Variants in CAMK2G observed in about 807,000 individuals in gnomAD.
The protein encoded by CAMK2G is calcium/calmodulin-dependent protein kinase type II subunit gamma.
A neutral mutation model predicts 88.7 loss-of-function variants in CAMK2G; 23 were observed. The ratio of observed to expected loss-of-function variants is 0.26; its 90% CI spans 0.19 to 0.37. The LOEUF is 0.37. Among genes scored for constraint, CAMK2G ranks in the 10% least tolerant of loss-of-function variants. CAMK2G has a pLI of 1.00. For missense variants in CAMK2G, 476 were observed against 780.8 expected (o/e 0.61, Z 4.65); for synonymous variants, 263 against 294.8 (o/e 0.89, Z 1.11).
intron 3 of CAMK2G, among the ~76,000 whole-genome samples, chr10:73,858,450 G>C (rs1039086789): frequency 6.6e-6 from 1 of 152,172 alleles, no homozygotes. Flanking sequence ...AACCACAGCC[G>C]CCTGGACCTG....
In CAMK2G at chr10:73,828,531, C is replaced by A. The variant is rs2091710739; in HGVS notation, c.1054-410G>T. On this transcript the variant is annotated intron_variant, in intron 14 of 22. Transcript: ENST00000423381. ...CTCATTACTAGAACTGTCTGAAATT[C>A]AAGTGAGCAGCCACCAGGGAAAAAG... 2.6e-5 allele frequency among the ~76,000 whole-genome samples: 4 copies of A among 152,184 alleles called. No individual in the cohort carries two copies. In the South Asian group the frequency reaches 8.3e-4, roughly 32 times the overall value.
At chr10:73,822,900 C>A (rs766600247) in intron 17 of CAMK2G, among the ~76,000 whole-genome samples, 2 of 152,144 alleles carry the variant, frequency 1.3e-5, no homozygotes, top group African/African-American at 4.8e-5. Flanking sequence ...CTTGCTCTGT[C>A]GCCCAGGCTG....
chr10:73,864,939 C>T (rs765759552), intron 2 of CAMK2G, among the ~76,000 whole-genome samples: 4 of 152,058 alleles, frequency 2.6e-5, no homozygotes, highest in Non-Finnish European at 5.9e-5. Flanking sequence ...CCACGGCACC[C>T]GGCCAAGAGG....
rs76908592 is a variant in CAMK2G, at chr10:73,860,287, T to G, written c.220+543A>C. On this transcript the variant is annotated intron_variant, in intron 3 of 22. Transcript: ENST00000423381. ...GGGAGCAGGGAGAAATCCTCTTTTT[T>G]CTCCTTCCCCATCTGAGTGGTTCCT... is the stretch of plus-strand genomic sequence containing the variant. Among the ~76,000 whole-genome samples the G allele has an allele frequency of 4.6e-4, 70 of 152,214 alleles. 2 individuals are homozygous for G. The highest frequency in any genetic ancestry group is 1.3e-3 in the Admixed American group (20 of 15,292).
chr10:73,867,897 T>C (rs1405168588), intron 2 of CAMK2G, among the ~76,000 whole-genome samples: 1 of 152,134 alleles, frequency 6.6e-6, no homozygotes, highest in Non-Finnish European at 1.5e-5. Context: ...CATGGGCACC[T>C]GCAGCACAAA....
At chr10:73,865,859 C>T (rs1286596459) in intron 2 of CAMK2G, among the ~76,000 whole-genome samples, 1 of 151,932 alleles carries the variant, frequency 6.6e-6, no homozygotes, top group Non-Finnish European at 1.5e-5. Flanking sequence ...GGCTCATCCC[C>T]GCCCCTCCCA....
intron 14 of CAMK2G, 140 bp from the exon 15 acceptor site, chr10:73,828,261 C>A: frequency 1.4e-6 from 1 of 712,136 alleles, no homozygotes; most frequent in South Asian, 1.6e-5. Context: ...AGTCCAGCAC[C>A]AGAGGGTTAA....
chr10:73,816,223 CA>C, intron 21 of CAMK2G: 1 of 986,798 alleles, frequency 1.0e-6, no homozygotes, highest in Non-Finnish European at 1.2e-6. Flanking sequence ...CCAGAATGTA[CA>C]CCCCACCCCC....
intron 14 of CAMK2G, among the ~76,000 whole-genome samples, chr10:73,831,973 C>A (rs1206988228): frequency 2.0e-5 from 3 of 151,320 alleles, no homozygotes; most frequent in African/African-American, 4.9e-5. Flanking sequence ...CCAGGCTGAA[C>A]CTCCTGGGCT....
In CAMK2G at chr10:73,848,563, T is replaced by C. The variant is rs1337065682; in HGVS notation, c.564A>G (p.Lys188=). The part of the protein sequence containing the change: ...PGYLSPEVLR[K]DPYGKPVDIW... The stretch of plus-strand genomic sequence containing the variant: ...TATCCACAGGTTTTCCATAGGGATC[T>C]TTCCTCAAGACCTCAGGGGACAAGT... Residue 188 remains lysine (K), a synonymous_variant, in exon 8 of 23, where the codon AAA becomes AAG. Coordinates refer to ENST00000423381, the MANE Select transcript of CAMK2G (RefSeq NM_001367534.1). This position sits in a 1 kb window ranked among gnomAD's most constrained non-coding sequence, Gnocchi z 4.5. 5 of 1,612,938 alleles carry C rather than the reference T, an allele frequency of 3.1e-6. No individual in the cohort carries two copies. Among genetic ancestry groups the C allele is most frequent in the Non-Finnish European group, 3.4e-6 (4 of 1,179,504 alleles).
intron 14 of CAMK2G, among the ~76,000 whole-genome samples, chr10:73,832,440 G>C (rs534482194): frequency 7.2e-5 from 11 of 152,194 alleles, no homozygotes; most frequent in African/African-American, 2.6e-4. Context: ...CCAAGTGGCT[G>C]GGATTACAGG....
chr10:73,870,950 C>T (rs531257953), intron 2 of CAMK2G, among the ~76,000 whole-genome samples: 5 of 152,250 alleles, frequency 3.3e-5, no homozygotes, highest in African/African-American at 1.2e-4. Flanking sequence ...CAAGACAGCC[C>T]CTTTCCACTT....
chr10:73,836,390 G>T (rs1565301254), intron 14 of CAMK2G, among the ~76,000 whole-genome samples: 1 of 152,278 alleles, frequency 6.6e-6, no homozygotes, highest in East Asian at 1.9e-4. Context: ...CTGACTGACA[G>T]GTACTTATTA....
intron 21 of CAMK2G, 81 bp from the exon 22 acceptor site, chr10:73,815,328 T>TA: frequency 1.1e-6 from 1 of 934,432 alleles, no homozygotes; most frequent in Non-Finnish European, 1.7e-6. Context: ...TTCCAAGTCT[T>TA]ACCATCTCCC....
At position 73,848,486 on chromosome 10, in the gene CAMK2G, C is replaced by T; in HGVS notation, c.601+40G>A. ...TCTTGCCATCATCGGAAGTTGAGGGCCCTTAACAGCGAAAAGCTGAGAGCG... is the reference window on the plus strand; with the variant it reads ...TCTTGCCATCATCGGAAGTTGAGGGTCCTTAACAGCGAAAAGCTGAGAGCG... On this transcript the variant is annotated intron_variant, in intron 8 of 22. Coordinates refer to ENST00000423381, the MANE Select transcript of CAMK2G (RefSeq NM_001367534.1). The surrounding 1 kb of genome is among the most constrained non-coding windows in gnomAD (Gnocchi z 4.5). 7.7e-7 allele frequency: 1 copy of T among 1,306,980 alleles called. No individual in the cohort carries two copies. The highest frequency in any genetic ancestry group is 1.1e-6 in the Non-Finnish European group (1 of 902,486). The allele number at this position is 1,306,980 out of a possible 1,614,324, so 81.0% of individuals were successfully genotyped here.
At chr10:73,843,709 C>T (rs1264955529) in intron 10 of CAMK2G, among the ~76,000 whole-genome samples, 1 of 152,122 alleles carries the variant, frequency 6.6e-6, no homozygotes, top group Non-Finnish European at 1.5e-5. Context: ...TACGGGGCCT[C>T]CTCGCATCCT....
At chr10:73,818,382 T>C (rs2133188828) in intron 19 of CAMK2G, 1 of 259,860 alleles carries the variant, frequency 3.8e-6, no homozygotes, top group East Asian at 8.6e-5. Context: ...CCTGCCGGCA[T>C]GGGCTTCTCT....
chr10:73,831,368 T>A (rs1590151666), intron 14 of CAMK2G, among the ~76,000 whole-genome samples: 1 of 151,066 alleles, frequency 6.6e-6, no homozygotes, highest in Admixed American at 6.6e-5. Context: ...CAAAACCCCG[T>A]CTCTACTAAA....
intron 2 of CAMK2G, among the ~76,000 whole-genome samples, chr10:73,870,604 T>C (rs1435117800): frequency 6.6e-6 from 1 of 152,006 alleles, no homozygotes; most frequent in Non-Finnish European, 1.5e-5. Flanking sequence ...GCCCAGAGAA[T>C]CACAAACAAG....
Sources: allele counts gnomAD v4.1 joint callset (sites outside exome capture counted in the v4.1 genomes callset), GRCh38; gene constraint gnomAD v4.1.1; non-coding constraint Gnocchi (gnomAD v3.1); transcripts MANE v1.5; gene names NCBI Gene and HGNC (gene_info 2026-07-23, HGNC 2026-07-21).